LNPEP: variants seen among roughly 807,000 people sequenced by gnomAD.
LNPEP encodes leucyl and cystinyl aminopeptidase.
In LNPEP, 64 loss-of-function variants were observed where a neutral mutation model predicts 120.6. The ratio of observed to expected loss-of-function variants is 0.53; its 90% CI spans 0.43 to 0.65. The LOEUF (loss-of-function observed/expected upper bound fraction) is 0.65. LNPEP is among the 30% of genes least tolerant of loss of function. The pLI, the probability that LNPEP is intolerant of heterozygous loss-of-function variation, is 0.00. For missense variants in LNPEP, 1,057 were observed against 1,200.0 expected (o/e 0.88, Z 1.76); for synonymous variants, 435 against 425.4 (o/e 1.02, Z -0.28).
intron 1 of LNPEP, among the ~76,000 whole-genome samples, chr5:96,941,534 T>A (rs1789056646): frequency 6.6e-6 from 1 of 152,240 alleles, no homozygotes; most frequent in Non-Finnish European, 1.5e-5. Context: ...TTCTGAAAGT[T>A]TGCAAGAAGC....
intron 1 of LNPEP, among the ~76,000 whole-genome samples, chr5:96,978,119 A>G (rs1790044333): frequency 6.6e-6 from 1 of 152,268 alleles, no homozygotes; most frequent in East Asian, 1.9e-4. Flanking sequence ...GGAGGTTTCA[A>G]TTTGATAACT....
chr5:96,959,067 G>A (rs567874470), intron 1 of LNPEP, among the ~76,000 whole-genome samples: 15 of 151,924 alleles, frequency 9.9e-5, no homozygotes, highest in Non-Finnish European at 1.5e-4. Context: ...TTCATGATCC[G>A]CTTGCCTTGG....
chr5:96,995,862 C>T (rs1349661756), intron 6 of LNPEP, among the ~76,000 whole-genome samples: 1 of 152,172 alleles, frequency 6.6e-6, no homozygotes, highest in Non-Finnish European at 1.5e-5. Context: ...TGTTTGAATT[C>T]TGTTTTGAAT....
At chr5:96,969,459 T>C (rs1789808187) in intron 1 of LNPEP, among the ~76,000 whole-genome samples, 1 of 152,084 alleles carries the variant, frequency 6.6e-6, no homozygotes, top group African/African-American at 2.4e-5. Context: ...CAGATAGTCT[T>C]GAAAGAGGGA....
chr5:97,002,405 T>TC (rs537620235), intron 8 of LNPEP, among the ~76,000 whole-genome samples: 97 of 152,234 alleles, frequency 6.4e-4, no homozygotes, highest in South Asian at 4.6e-3. Context: ...TGTTACAGTA[T>TC]GAAGGGAAAA....
intron 1 of LNPEP, among the ~76,000 whole-genome samples, chr5:96,950,456 G>A (rs1789295274): frequency 6.6e-6 from 1 of 152,184 alleles, no homozygotes; most frequent in South Asian, 2.1e-4. Context: ...CCATAGAGTT[G>A]GTGAGAAGGC....
In LNPEP at chr5:96,954,762, A is replaced by G. The variant is rs1225877831; in HGVS notation, c.19+18588A>G. 2.2e-4 allele frequency among the ~76,000 whole-genome samples: 10 copies of G among 45,832 alleles called. 3 individuals carry two copies. Among genetic ancestry groups the G allele is most frequent in the Non-Finnish European group, 3.3e-4 (7 of 21,340 alleles). 30.1% of individuals were successfully genotyped at this position (45,832 alleles called of 152,430 possible). ...TATATATATACACATATATATATATATATATATATATTTTTTTTTTTTTTT... is the reference window on the plus strand; with the variant it reads ...TATATATATACACATATATATATATGTATATATATATTTTTTTTTTTTTTT... On this transcript the variant is annotated intron_variant, in intron 1 of 17. Coordinates refer to ENST00000231368, the MANE Select transcript of LNPEP (RefSeq NM_005575.3).
chr5:96,997,531 T>G (rs570391043), intron 7 of LNPEP, among the ~76,000 whole-genome samples: 12 of 152,258 alleles, frequency 7.9e-5, no homozygotes, highest in Middle Eastern at 6.8e-3. Context: ...GAATTATTTC[T>G]GTTTAAGAGT....
intron 1 of LNPEP, among the ~76,000 whole-genome samples, chr5:96,946,618 G>T (rs1789190963): frequency 6.6e-6 from 1 of 152,178 alleles, no homozygotes; most frequent in African/African-American, 2.4e-5. Context: ...AAAAAATGTA[G>T]TTACTATCCC....
At chr5:96,939,783 G>C (rs2112553818) in intron 1 of LNPEP, among the ~76,000 whole-genome samples, 1 of 152,178 alleles carries the variant, frequency 6.6e-6, no homozygotes, top group East Asian at 1.9e-4. Flanking sequence ...CAACAAATGA[G>C]ATATTTGTGG....
At chr5:96,947,647 G>A (rs1789219036) in intron 1 of LNPEP, among the ~76,000 whole-genome samples, 1 of 152,008 alleles carries the variant, frequency 6.6e-6, no homozygotes, top group Admixed American at 6.6e-5. Context: ...CACTCTCTGT[G>A]GCATTGACAA....
intron 11 of LNPEP, among the ~76,000 whole-genome samples, chr5:97,012,996 C>G (rs1459461923): frequency 1.3e-5 from 2 of 152,154 alleles, no homozygotes; most frequent in Admixed American, 1.3e-4. Flanking sequence ...AAGACAGAGG[C>G]CAAAATGGGA....
chr5:96,955,074 G>A (rs988973598), intron 1 of LNPEP, among the ~76,000 whole-genome samples: 2 of 150,920 alleles, frequency 1.3e-5, no homozygotes, highest in Non-Finnish European at 3.0e-5. Context: ...GAGCCACCGC[G>A]CCCGGCCTGC....
chr5:96,958,609 G>T (rs1200760412), intron 1 of LNPEP: 1 of 510,378 alleles, frequency 2.0e-6, no homozygotes, highest in Non-Finnish European at 2.5e-6. Flanking sequence ...TGGCAGGTCA[G>T]AAGCCTGATA....
chr5:97,013,743 G>A lies in LNPEP; in HGVS notation c.2131G>A (p.Ala711Thr), dbSNP rs1402465391. The A allele has an allele frequency of 6.2e-7, 1 of 1,610,696 alleles. No homozygotes were observed. Among genetic ancestry groups the A allele is most frequent in the South Asian group, 1.1e-5 (1 of 90,798 alleles). The change falls in exon 12 of 18, where the codon GCA becomes ACA. Residue 711 changes from alanine to threonine, a missense_variant. Ala to Thr is a moderately conservative substitution (Grantham distance 58, BLOSUM62 0). Transcript: ENST00000231368. ...IVHYADDDWE[A>T]LIHQLKINPY... is the part of the protein sequence containing the mutation. ...ACACTATGCAGATGATGATTGGGAA[G>A]CACTAATCCATCAGTTGAAAATAAA...
chr5:96,945,825 C>T (rs957177848), intron 1 of LNPEP, among the ~76,000 whole-genome samples: 2 of 152,104 alleles, frequency 1.3e-5, no homozygotes, highest in African/African-American at 4.8e-5. Context: ...TTTTGGTTTA[C>T]AAAATCATTC....
chr5:96,956,536 G>A (rs1789473832), intron 1 of LNPEP, among the ~76,000 whole-genome samples: 1 of 152,158 alleles, frequency 6.6e-6, no homozygotes, highest in Admixed American at 6.5e-5. Flanking sequence ...CCATGGTAAT[G>A]TGAATTGTTA....
At chr5:96,971,345 T>TATTTGTGTG (rs1554067378) in intron 1 of LNPEP, among the ~76,000 whole-genome samples, 6 of 142,824 alleles carry the variant, frequency 4.2e-5, no homozygotes, top group African/African-American at 1.6e-4. Flanking sequence ...ACATTATTAT[T>TATTTGTGTG]TGTGTGTGTG....
At chr5:97,013,878 C>A in intron 12 of LNPEP, 47 bp downstream of exon 12, 2 of 1,340,886 alleles carry the variant, frequency 1.5e-6, no homozygotes, top group South Asian at 3.0e-5. Flanking sequence ...AAACAAATGT[C>A]ATTGAGGTAA....
Sources: gnomAD v4.1 joint callset for allele counts (sites outside exome capture counted in the v4.1 genomes callset) on GRCh38, gnomAD v4.1.1 for gene constraint, MANE v1.5 for transcripts, NCBI Gene and HGNC (gene_info 2026-07-23, HGNC 2026-07-21) for gene names.